Variants in NOTCH3 observed in about 807,000 individuals in gnomAD.
NOTCH3 encodes neurogenic locus notch homolog protein 3.
NOTCH3 carries 86 observed loss-of-function variants against 213.3 expected under a neutral mutation model. The ratio of observed to expected loss-of-function variants is 0.40; its 90% CI spans 0.34 to 0.48. NOTCH3 has a LOEUF of 0.48. Among genes scored for constraint, NOTCH3 ranks in the 20% least tolerant of loss-of-function variants. The probability of loss-of-function intolerance (pLI) is 0.57; values close to 1 mark genes in which losing one functional copy is unlikely to be tolerated. For missense variants in NOTCH3, 2,783 were observed against 3,272.6 expected (o/e 0.85, Z 3.65); for synonymous variants, 1,354 against 1,355.9 (o/e 1.00, Z 0.03).
At position 15,179,458 on chromosome 19, in the gene NOTCH3, G is replaced by A. The variant is rs1276018987; in HGVS notation, c.3366C>T (p.Asp1122=). ...AGGGCTGGGAGGCACACTCGTCCAC[G>A]TCGTCCTCACAGTTATCACCATTGT... ...PGYNGDNCED[D]VDECASQPCQ... Residue 1122 remains aspartate (D), a synonymous_variant, in exon 21 of 33, where the codon GAC becomes GAT. Coordinates refer to ENST00000263388, the MANE Select transcript of NOTCH3 (RefSeq NM_000435.3). 9.9e-6 allele frequency: 16 copies of A among 1,613,898 alleles called. No individual in the cohort carries two copies. Among genetic ancestry groups the A allele is most frequent in the East Asian group, 4.5e-5 (2 of 44,890 alleles).
intron 15 of NOTCH3, 77 bp downstream of exon 15, chr19:15,184,829 G>A (rs773659327): frequency 1.1e-6 from 1 of 870,602 alleles, no homozygotes; most frequent in Non-Finnish European, 1.9e-6. Context: ...TCCCTCTCTG[G>A]ATCCCCAGCA....
intron 25 of NOTCH3, among the ~76,000 whole-genome samples, chr19:15,171,403 A>C (rs989636943): frequency 6.6e-6 from 1 of 152,036 alleles, no homozygotes; most frequent in Non-Finnish European, 1.5e-5. Context: ...AGGCTAGAGC[A>C]CAGTGGCGAA....
At chr19:15,200,222 G>C (rs957359537) in intron 1 of NOTCH3, among the ~76,000 whole-genome samples, 1 of 151,514 alleles carries the variant, frequency 6.6e-6, no homozygotes, top group Non-Finnish European at 1.5e-5. Context: ...GGGCGGGGGA[G>C]GGGGCGCGCG....
intron 2 of NOTCH3, among the ~76,000 whole-genome samples, chr19:15,193,686 G>A (rs1350780927): frequency 4.0e-5 from 6 of 148,682 alleles, no homozygotes; most frequent in African/African-American, 2.5e-5. Context: ...CAGGAGAATC[G>A]CTTGAACCCA....
At chr19:15,166,509 G>T (rs1179583037) in intron 29 of NOTCH3, among the ~76,000 whole-genome samples, 2 of 127,148 alleles carry the variant, frequency 1.6e-5, no homozygotes, top group Non-Finnish European at 3.5e-5. Flanking sequence ...TTTTAAAAGG[G>T]GGGGGGAAAA....
At chr19:15,178,784 GC>G (rs1568354540) in intron 23 of NOTCH3, 38 bp downstream of exon 23, 3 of 1,431,746 alleles carry the variant, frequency 2.1e-6, no homozygotes, top group Non-Finnish European at 2.9e-6. Context: ...CAGAGGCCAC[GC>G]CCCTACTCCT....
At position 15,178,047 on chromosome 19, in the gene NOTCH3, C is replaced by A; in HGVS notation, c.3881G>T (p.Arg1294Leu). The A allele has an allele frequency of 1.3e-6, 2 of 1,517,606 alleles. No individual in the cohort carries two copies. The highest frequency in any genetic ancestry group is 1.8e-6 in the Non-Finnish European group (2 of 1,138,354). 94.0% of individuals were successfully genotyped at this position (1,517,606 alleles called of 1,614,324 possible). A position where few individuals can be genotyped will look rare whatever the true frequency, so the allele number is the denominator to read the frequency against. Residue 1294 changes from arginine to leucine, a missense_variant, in exon 24 of 33, where the codon CGG becomes CTG. Physicochemically the swap from Arg to Leu is moderately radical, Grantham distance 102. Coordinates refer to ENST00000263388, the MANE Select transcript of NOTCH3 (RefSeq NM_000435.3). ...GACGCCCACCGGGCACTGCAGCTCC[C>A]GGCAGGAGCGCGCCACCCGCTCGCA... ...PRCERVARSC[R>L]ELQCPVGVPC...
At position 15,179,292 on chromosome 19, in the gene NOTCH3, G is replaced by A. The variant is rs767916895; in HGVS notation, c.3461-10C>T. 6.0e-5 allele frequency: 97 copies of A among 1,611,320 alleles called. 1 individual carries two copies. In the South Asian group the frequency reaches 1.0e-3, roughly 17 times the overall value. Reference sequence around the variant, plus strand: ...ATCTCGCAGAGCACCCCTGGGGGAAGAAACGAGGGGTGGTCAAGAGGGAAT... The same window carrying A: ...ATCTCGCAGAGCACCCCTGGGGGAAAAAACGAGGGGTGGTCAAGAGGGAAT... On this transcript the variant is annotated splice_polypyrimidine_tract_variant and intron_variant, in intron 21 of 32. Coordinates refer to ENST00000263388, the MANE Select transcript of NOTCH3 (RefSeq NM_000435.3).
Position 15,161,088 on chromosome 19 carries a change from A to G in NOTCH3, c.6540T>C (p.Pro2180=), listed in dbSNP as rs2145380979. The G allele has an allele frequency of 6.5e-7, 1 of 1,540,434 alleles. No individual in the cohort carries two copies. Among genetic ancestry groups the G allele is most frequent in the South Asian group, 1.2e-5 (1 of 84,134 alleles). The change falls in exon 33 of 33, where the codon CCT becomes CCC. Residue 2180 remains proline, a synonymous_variant. Transcript: ENST00000263388. The part of the protein sequence containing the change: ...LDWARLPPPA[P]PGPSFLLPLA... ...GTGGCAGCAGGAACGAGGGGCCTGGAGGGGCAGGTGGGGGCAGCCGGGCCC... is the reference window on the plus strand; with the variant it reads ...GTGGCAGCAGGAACGAGGGGCCTGGGGGGGCAGGTGGGGGCAGCCGGGCCC...
rs559474673 is a variant in NOTCH3 at position 15,160,973 on chromosome 19, C to T, written c.6655G>A (p.Glu2219Lys). The T allele has an allele frequency of 1.8e-5, 28 of 1,570,032 alleles. No individual in the cohort carries two copies. The Admixed American group carries it at 2.0e-4, about 11-fold the overall frequency. Reference protein sequence around the residue: ...PPYLAVPGHGEEYPAAGAHSS... With the variant: ...PPYLAVPGHGKEYPAAGAHSS... ...TGTGCCCCAGCCGCCGGGTACTCCT[C>T]GCCATGTCCTGGGACTGCCAGGTAA... Residue 2219 changes from glutamate (E) to lysine (K), a missense_variant, in exon 33 of 33, where the codon GAG becomes AAG. Physicochemically the swap from Glu to Lys is moderately conservative, Grantham distance 56. Coordinates refer to ENST00000263388, the MANE Select transcript of NOTCH3 (RefSeq NM_000435.3).
chr19:15,181,615 C>A lies in NOTCH3; in HGVS notation c.2753G>T (p.Gly918Val). Residue 918 changes from glycine to valine, a missense_variant, in exon 17 of 33, where the codon GGC becomes GTC. This residue lies in a region of NOTCH3 where 861 missense variants were observed against 909.1 expected (regional missense o/e 0.95). Transcript: ENST00000263388. Reference sequence around the variant, plus strand: ...GGGCAGGTCCTGTTCGCAGTGGAAGCCTCCGTAGCCTGGCGGGCAGGTGCA... The same window carrying A: ...GGGCAGGTCCTGTTCGCAGTGGAAGACTCCGTAGCCTGGCGGGCAGGTGCA... The part of the protein sequence containing the change: ...FTCTCPPGYG[G>V]FHCEQDLPDC... 1 of 1,550,770 alleles carries A rather than the reference C, an allele frequency of 6.4e-7. No homozygotes were observed. Among genetic ancestry groups the A allele is most frequent in the Non-Finnish European group, 8.7e-7 (1 of 1,146,864 alleles).
At chr19:15,171,170 C>T (rs1376903625) in intron 25 of NOTCH3, among the ~76,000 whole-genome samples, 1 of 152,150 alleles carries the variant, frequency 6.6e-6, no homozygotes, top group Admixed American at 6.5e-5. Context: ...GGATTACAGG[C>T]GTGTGCCACC....
At position 15,189,314 on chromosome 19, in the gene NOTCH3, G is replaced by A. The variant is rs201917592; in HGVS notation, c.1151C>T (p.Thr384Met). 1.1e-5 allele frequency: 18 copies of A among 1,614,048 alleles called. No homozygotes were observed. The highest frequency in any genetic ancestry group is 3.3e-5 in the Admixed American group (2 of 60,028). Residue 384 changes from threonine to methionine, a missense_variant, in exon 7 of 33, where the codon ACG becomes ATG. Around this residue, in one of 6 missense-constraint regions of NOTCH3, gnomAD observed 708 missense variants for 906.6 expected, o/e 0.78. Coordinates refer to ENST00000263388, the MANE Select transcript of NOTCH3 (RefSeq NM_000435.3). Reference protein sequence around the residue: ...RAICTCPPGFTGGACDQDVDE... With the variant: ...RAICTCPPGFMGGACDQDVDE... ...CACATCCTGGTCACATGCCCCACCC[G>A]TGAAGCCGGGAGGACAGGTGCAAAT... is the stretch of plus-strand genomic sequence containing the variant.
intron 6 of NOTCH3, among the ~76,000 whole-genome samples, chr19:15,190,096 G>A (rs1348929921): frequency 1.3e-5 from 2 of 150,282 alleles, no homozygotes; most frequent in Non-Finnish European, 2.9e-5. Flanking sequence ...GCAATATAGT[G>A]AGACCCGTCT....
At chr19:15,189,231 C>G in intron 7 of NOTCH3, 42 bp downstream of exon 7, 1 of 1,613,734 alleles carries the variant, frequency 6.2e-7, no homozygotes, top group Non-Finnish European at 8.5e-7. Flanking sequence ...CCTCCTCTCC[C>G]CTCTTTCCCA....
intron 5 of NOTCH3, 32 bp from the exon 6 acceptor site, chr19:15,191,689 C>G (rs761013554): frequency 1.2e-6 from 2 of 1,613,468 alleles, no homozygotes; most frequent in East Asian, 4.5e-5. Flanking sequence ...GTCCAGCCAC[C>G]TGGCGCATGT....
At chr19:15,199,503 T>A (rs976503440) in intron 1 of NOTCH3, among the ~76,000 whole-genome samples, 1 of 152,176 alleles carries the variant, frequency 6.6e-6, no homozygotes, top group African/African-American at 2.4e-5. Context: ...TCTGAGTGTG[T>A]GCAGGCAGCG....
Position 15,189,269 on chromosome 19 carries a change from T to G in NOTCH3, c.1192+4A>C. ...CCATTCACAGACGATGGAGCTCCCC[T>G]CACCGATAGAGCACTCGTCCACATC... On this transcript the variant is annotated splice_donor_region_variant and intron_variant, in intron 7 of 32. Transcript: ENST00000263388. 1 of 1,613,986 alleles carries G rather than the reference T, an allele frequency of 6.2e-7. No homozygotes were observed. The highest frequency in any genetic ancestry group is 8.5e-7 in the Non-Finnish European group (1 of 1,179,998).
chr19:15,175,972 T>C (rs965500611), intron 24 of NOTCH3, among the ~76,000 whole-genome samples: 1 of 149,858 alleles, frequency 6.7e-6, no homozygotes, highest in Non-Finnish European at 1.5e-5. Flanking sequence ...GGGCAGGGTG[T>C]AGGGATGGAC....
Sources: allele counts gnomAD v4.1 joint callset (sites outside exome capture counted in the v4.1 genomes callset), GRCh38; gene constraint gnomAD v4.1.1; regional missense constraint gnomAD v4.1.1; transcripts MANE v1.5; gene names NCBI Gene and HGNC (gene_info 2026-07-23, HGNC 2026-07-21).